TRA2B: variants seen among roughly 807,000 people sequenced by gnomAD.
The protein encoded by TRA2B is transformer-2 protein homolog beta.
TRA2B carries 14 observed loss-of-function variants against 41.7 expected under a neutral mutation model. That is an observed-to-expected ratio of 0.34 (90% CI 0.22 to 0.53). The LOEUF is 0.53. Ranked by LOEUF, TRA2B falls within the 20% of genes least tolerant of loss-of-function variation. The pLI, the probability that TRA2B is intolerant of heterozygous loss-of-function variation, is 0.95. For missense variants in TRA2B, 167 were observed against 396.8 expected (o/e 0.42, Z 4.92); for synonymous variants, 130 against 128.8 (o/e 1.01, Z -0.06).
At chr3:185,937,666 A>G (rs1862904) in intron 1 of TRA2B, among the ~76,000 whole-genome samples, 159 bp downstream of exon 1, 97,294 of 152,098 alleles carry the variant, frequency 0.64, 31,702 homozygotes, top group African/African-American at 0.77. Flanking sequence ...CTATCCACAA[A>G]GGCTTTTTTT....
At chr3:185,936,136 A>C in intron 1 of TRA2B, 1 of 985,422 alleles carries the variant, frequency 1.0e-6, no homozygotes, top group Non-Finnish European at 1.2e-6. Flanking sequence ...TTCAATCGAG[A>C]GCTCTAGTCA....
chr3:185,934,812 C>A, intron 1 of TRA2B: 1 of 985,422 alleles, frequency 1.0e-6, no homozygotes, highest in Non-Finnish European at 1.2e-6. Flanking sequence ...CCAGATGCTG[C>A]TATTCATCTC....
chr3:185,924,890 A>G (rs939272691), intron 3 of TRA2B: 1 of 152,070 alleles, frequency 6.6e-6, no homozygotes, highest in Admixed American at 6.5e-5. Context: ...GAATTTACCT[A>G]AAGATTCCAT....
chr3:185,924,018 A>C (rs371075734), intron 3 of TRA2B, 34 bp from the exon 4 acceptor site: 7 of 1,568,050 alleles, frequency 4.5e-6, no homozygotes, highest in Non-Finnish European at 6.0e-6. Flanking sequence ...ACTTTGGAAA[A>C]GTTGTCATAA....
intron 6 of TRA2B, 133 bp downstream of exon 6, chr3:185,920,971 T>G: frequency 5.1e-6 from 3 of 583,032 alleles, no homozygotes; most frequent in East Asian, 2.9e-5. Flanking sequence ...GAATCTGATT[T>G]AACTTTCTAC....
At chr3:185,921,650 G>C (rs1191657931) in intron 5 of TRA2B, among the ~76,000 whole-genome samples, 1 of 152,150 alleles carries the variant, frequency 6.6e-6, no homozygotes, top group Non-Finnish European at 1.5e-5. Flanking sequence ...TGTAGTCCCA[G>C]CTACTCGGGA....
intron 1 of TRA2B, chr3:185,937,172 A>G: frequency 6.1e-6 from 6 of 985,644 alleles, no homozygotes; most frequent in Non-Finnish European, 7.2e-6. Flanking sequence ...GGCCAAACAC[A>G]AAGCCCTCAC....
At chr3:185,935,865 G>T in intron 1 of TRA2B, 5 of 985,326 alleles carry the variant, frequency 5.1e-6, no homozygotes, top group Non-Finnish European at 4.8e-6. Context: ...AAAGTTTAGA[G>T]ATCTCGGCCA....
intron 7 of TRA2B, among the ~76,000 whole-genome samples, 184 bp downstream of exon 7, chr3:185,919,253 A>C (rs78338643): frequency 0.035 from 5,291 of 152,228 alleles, 280 homozygotes; most frequent in African/African-American, 0.12. Context: ...CTATTGCAAA[A>C]CCAATTAATT....
intron 4 of TRA2B, 54 bp from the exon 5 acceptor site, chr3:185,922,180 C>A: frequency 1.5e-6 from 2 of 1,335,310 alleles, no homozygotes; most frequent in Non-Finnish European, 2.1e-6. Flanking sequence ...CACTAATTAT[C>A]CTGTGGCTAT....
chr3:185,918,554 A>G, intron 7 of TRA2B, 116 bp from the exon 8 acceptor site: 1 of 604,806 alleles, frequency 1.7e-6, no homozygotes, highest in Non-Finnish European at 2.8e-6. Flanking sequence ...GGAAAGCTGC[A>G]TGAACCTTCA....
At position 185,919,619 on chromosome 3, in the gene TRA2B, T is replaced by A. The variant is rs1285459509; in HGVS notation, c.723-123A>T. 1.6e-5 allele frequency: 12 copies of A among 730,554 alleles called. No homozygotes were observed. The East Asian group carries it at 3.5e-4, about 21-fold the overall frequency. The allele number at this position is 730,554 out of a possible 1,614,324, so 45.3% of individuals were successfully genotyped here. On this transcript the variant is annotated intron_variant, in intron 6 of 8. Transcript: ENST00000453386. The stretch of plus-strand genomic sequence containing the variant: ...AATGAGATGTTTCTTGCAGGTCAAG[T>A]GATTTGCCACCCTTTTTAGAAACTG...
intron 1 of TRA2B, chr3:185,935,079 TA>T: frequency 1.0e-6 from 1 of 985,424 alleles, no homozygotes; most frequent in Non-Finnish European, 1.2e-6. Flanking sequence ...CTGTGACCAT[TA>T]TTGGGCTCTA....
At chr3:185,937,205 C>G in intron 1 of TRA2B, 1 of 985,758 alleles carries the variant, frequency 1.0e-6, no homozygotes, top group South Asian at 4.7e-5. Flanking sequence ...ACCTAACGGG[C>G]CCAGAACTTA....
chr3:185,936,662 T>C, intron 1 of TRA2B: 1 of 981,698 alleles, frequency 1.0e-6, no homozygotes, highest in Non-Finnish European at 1.2e-6. Flanking sequence ...AAGGGGAAAC[T>C]TAGGTAACAA....
intron 1 of TRA2B, chr3:185,928,090 A>T (rs1320271906): frequency 1.3e-5 from 2 of 152,238 alleles, no homozygotes; most frequent in Non-Finnish European, 2.9e-5. Flanking sequence ...TTGAAAGGAC[A>T]GTAGAGGATT....
At chr3:185,936,580 AG>A (rs1328159556) in intron 1 of TRA2B, 2 of 985,330 alleles carry the variant, frequency 2.0e-6, no homozygotes, top group South Asian at 4.7e-5. Context: ...CTTAATCAAA[AG>A]TTTGCTAAGA....
intron 1 of TRA2B, chr3:185,937,475 G>T: frequency 5.6e-6 from 6 of 1,068,146 alleles, no homozygotes; most frequent in Non-Finnish European, 6.8e-6. Context: ...AGATGGCTGC[G>T]GCGGACCTTC....
At chr3:185,937,630 C>G (rs1744417554) in intron 1 of TRA2B, among the ~76,000 whole-genome samples, 195 bp downstream of exon 1, 1 of 152,234 alleles carries the variant, frequency 6.6e-6, no homozygotes, top group African/African-American at 2.4e-5. Context: ...GGGCCTCCCT[C>G]CTTCACGACC....
Sources: allele counts gnomAD v4.1 joint callset (sites outside exome capture counted in the v4.1 genomes callset), GRCh38; gene constraint gnomAD v4.1.1; transcripts MANE v1.5; gene names NCBI Gene and HGNC (gene_info 2026-07-23, HGNC 2026-07-21).